NPAS3: variants seen among roughly 807,000 people sequenced by gnomAD.
NPAS3 encodes the protein neuronal PAS domain-containing protein 3.
In NPAS3, 14 loss-of-function variants were observed where a neutral mutation model predicts 73.1. The ratio of observed to expected loss-of-function variants is 0.19; its 90% CI spans 0.13 to 0.30. NPAS3 has a LOEUF of 0.30. Among genes scored for constraint, NPAS3 ranks in the 10% least tolerant of loss-of-function variants. The pLI is 1.00. For missense variants in NPAS3, 1,096 were observed against 1,250.0 expected (o/e 0.88, Z 1.86); for synonymous variants, 620 against 541.5 (o/e 1.14, Z -2.01).
At chr14:33,630,972 T>G (rs574564984) in intron 5 of NPAS3, among the ~76,000 whole-genome samples, 2 of 152,344 alleles carry the variant, frequency 1.3e-5, no homozygotes, top group East Asian at 3.9e-4. Context: ...GACTATTCTT[T>G]GTTTTGGTAA....
chr14:33,307,612 T>TGTGTG, intron 3 of NPAS3, among the ~76,000 whole-genome samples: 1 of 149,698 alleles, frequency 6.7e-6, no homozygotes, highest in East Asian at 2.0e-4. Flanking sequence ...TGTGTGTGTG[T>TGTGTG]TCGTGTGCGT....
chr14:33,773,557 G>A lies in NPAS3; in HGVS notation c.853-780G>A, dbSNP rs76687643. ...TGGCTCTTCTATGTGCAGTTTATAT[G>A]CAAAGTTTGCTTGGTTCCGGGTGGC... On this transcript the variant is annotated intron_variant, in intron 7 of 11. Coordinates refer to ENST00000356141, the Ensembl canonical transcript of NPAS3. Among the ~76,000 whole-genome samples the A allele has an allele frequency of 1.1e-3, 175 of 152,278 alleles. 3 individuals carry two copies. In the East Asian group the frequency reaches 0.027, roughly 23 times the overall value.
intron 1 of NPAS3, among the ~76,000 whole-genome samples, chr14:32,946,575 T>C (rs1007447113): frequency 1.3e-5 from 2 of 151,536 alleles, no homozygotes; most frequent in African/African-American, 4.8e-5. Flanking sequence ...ACATGCCACA[T>C]TTATCTTTAC....
intron 3 of NPAS3, among the ~76,000 whole-genome samples, chr14:33,257,294 C>A (rs17473068): frequency 0.23 from 34,855 of 152,060 alleles, 4,340 homozygotes; most frequent in Non-Finnish European, 0.28. Context: ...TTAGGGGAGT[C>A]TCAGCTGACC....
intron 2 of NPAS3, among the ~76,000 whole-genome samples, chr14:33,208,224 T>C (rs762503992): frequency 3.9e-5 from 6 of 152,144 alleles, no homozygotes; most frequent in Non-Finnish European, 7.4e-5. Flanking sequence ...ATACAATGAA[T>C]AGTTTGGTCT....
chr14:33,173,384 G>A (rs1248660431), intron 2 of NPAS3, among the ~76,000 whole-genome samples: 1 of 152,056 alleles, frequency 6.6e-6, no homozygotes, highest in Non-Finnish European at 1.5e-5. Context: ...AAGCCAAAAG[G>A]AGCTGGAAAA....
At chr14:33,113,643 A>G (rs2042969134) in intron 2 of NPAS3, among the ~76,000 whole-genome samples, 1 of 152,118 alleles carries the variant, frequency 6.6e-6, no homozygotes, top group Admixed American at 6.5e-5. Flanking sequence ...TCTTTTCCTA[A>G]TTGAATATCC....
chr14:33,238,828 T>C (rs2048124103), intron 3 of NPAS3, among the ~76,000 whole-genome samples: 1 of 151,930 alleles, frequency 6.6e-6, no homozygotes, highest in Non-Finnish European at 1.5e-5. Context: ...GAATGCCATA[T>C]AAAATGAATA....
intron 4 of NPAS3, among the ~76,000 whole-genome samples, chr14:33,476,750 C>T (rs2051054469): frequency 6.6e-6 from 1 of 152,124 alleles, no homozygotes; most frequent in Non-Finnish European, 1.5e-5. Context: ...TCCACCTGGC[C>T]CCTTTACCTT....
At chr14:33,196,766 GCA>G (rs1201444791) in intron 2 of NPAS3, among the ~76,000 whole-genome samples, 1 of 152,144 alleles carries the variant, frequency 6.6e-6, no homozygotes, top group Non-Finnish European at 1.5e-5. Context: ...TTTACATTTA[GCA>G]CACAGTAACA....
At chr14:33,799,657 G>A in intron 11 of NPAS3, 77 bp from the exon 12 acceptor site, 1 of 1,501,784 alleles carries the variant, frequency 6.7e-7, no homozygotes, top group Non-Finnish European at 8.9e-7. Context: ...GTGACAGGCT[G>A]GGTCGCCCCG....
At chr14:32,950,278 A>G (rs1200160452) in intron 1 of NPAS3, among the ~76,000 whole-genome samples, 2 of 152,060 alleles carry the variant, frequency 1.3e-5, no homozygotes, top group Non-Finnish European at 2.9e-5. Context: ...AGAACATCTC[A>G]AAGAATTTTA....
intron 3 of NPAS3, among the ~76,000 whole-genome samples, chr14:33,365,683 G>A (rs1017999771): frequency 1.2e-4 from 19 of 152,196 alleles, no homozygotes; most frequent in African/African-American, 4.1e-4. Context: ...TCTCTTGTCA[G>A]TAATAATGAT....
chr14:33,637,501 AG>A (rs1052665843), intron 5 of NPAS3, among the ~76,000 whole-genome samples: 5 of 152,198 alleles, frequency 3.3e-5, no homozygotes, highest in African/African-American at 1.2e-4. Flanking sequence ...TTTTTCATCA[AG>A]GAAAAAATAG....
intron 3 of NPAS3, among the ~76,000 whole-genome samples, chr14:33,300,693 G>A (rs553791040): frequency 1.2e-4 from 19 of 152,250 alleles, no homozygotes; most frequent in African/African-American, 4.1e-4. Context: ...GAGAGGCTCT[G>A]CATTGCGGGT....
In NPAS3 at chr14:33,639,184, G is replaced by A. The variant is rs115493907; in HGVS notation, c.559-37027G>A. ...TACCACTCTAGGTTTAAGATAGACC[G>A]TTTAAGCCCCTCTGTAGCTAATAGT... is the stretch of plus-strand genomic sequence containing the variant. On this transcript the variant is annotated intron_variant, in intron 5 of 11. Transcript: ENST00000356141. 2.6e-3 allele frequency among the ~76,000 whole-genome samples: 389 copies of A among 152,248 alleles called. 1 individual carries two copies. Among genetic ancestry groups the A allele is most frequent in the African/African-American group, 9.1e-3 (376 of 41,542 alleles).
At position 33,769,436 on chromosome 14, in the gene NPAS3, G is replaced by A. The variant is rs73260666; in HGVS notation, c.853-4901G>A. 6.4e-3 allele frequency among the ~76,000 whole-genome samples: 981 copies of A among 152,266 alleles called. 20 individuals are homozygous for A. Among genetic ancestry groups the A allele is most frequent in the African/African-American group, 0.022 (897 of 41,548 alleles). ...TTGTCGTCATCGTCCTGTGGGACAG[G>A]CACAAAAATTATGATACCAGCTCTT... On this transcript the variant is annotated intron_variant, in intron 7 of 11. Coordinates refer to ENST00000356141, the Ensembl canonical transcript of NPAS3.
intron 4 of NPAS3, among the ~76,000 whole-genome samples, chr14:33,525,433 G>T (rs544785960): frequency 2.6e-5 from 4 of 152,270 alleles, no homozygotes; most frequent in African/African-American, 9.6e-5. Context: ...AGCAAGCATT[G>T]GAAATTCTCA....
intron 5 of NPAS3, among the ~76,000 whole-genome samples, chr14:33,584,046 C>G (rs2056773751): frequency 6.6e-6 from 1 of 152,278 alleles, no homozygotes; most frequent in Admixed American, 6.5e-5. Context: ...ACTATAACCA[C>G]TGAAATAGCA....
Sources: gnomAD v4.1 joint callset for allele counts (sites outside exome capture counted in the v4.1 genomes callset) on GRCh38, gnomAD v4.1.1 for gene constraint, MANE v1.5 for transcripts, NCBI Gene and HGNC (gene_info 2026-07-23, HGNC 2026-07-21) for gene names.